Variants in HERC1 observed in about 807,000 individuals in gnomAD.
HERC1 encodes HECT and RLD domain containing E3 ubiquitin protein ligase family member 1.
In HERC1, 160 loss-of-function variants were observed where a neutral mutation model predicts 554.3. The observed-to-expected ratio is 0.29, with a 90% CI of 0.25 to 0.33. HERC1 has a LOEUF of 0.33. Among genes scored for constraint, HERC1 ranks in the 10% least tolerant of loss-of-function variants. The pLI is 1.00. For synonymous variants in HERC1, 2,175 were observed against 2,131.7 expected, an observed-to-expected ratio of 1.02 and a Z score of -0.56; for missense variants, 4,919 against 5,918.5, an observed-to-expected ratio of 0.83 and a Z score of 5.54.
chr15:63,706,661 T>C (rs1360221756), intron 25 of HERC1, 119 bp downstream of exon 25: 1 of 497,442 alleles, frequency 2.0e-6, no homozygotes, highest in Non-Finnish European at 3.4e-6. Context: ...TCAAAGACAA[T>C]CATATCTAAA....
At chr15:63,833,749 GCGCGCACACACACACA>G (rs1295479150) in intron 1 of HERC1, 62 bp downstream of exon 1, 7 of 28,460 alleles carry the variant, frequency 2.5e-4, no homozygotes, top group African/African-American at 9.2e-4. Flanking sequence ...ACACACGCGC[GCGCGCACACACACACA>G]CACACACACA....
intron 14 of HERC1, among the ~76,000 whole-genome samples, chr15:63,731,521 T>C (rs2074291532): frequency 6.6e-6 from 1 of 152,214 alleles, no homozygotes; most frequent in African/African-American, 2.4e-5. Flanking sequence ...CAAATGGCTA[T>C]ATACACAATA....
chr15:63,804,699 A>G (rs1190978931), intron 1 of HERC1, among the ~76,000 whole-genome samples: 1 of 152,206 alleles, frequency 6.6e-6, no homozygotes, highest in African/African-American at 2.4e-5. Flanking sequence ...TTTGTAAAAC[A>G]TATCCAATGA....
chr15:63,697,745 G>A (rs918515890), intron 26 of HERC1, among the ~76,000 whole-genome samples: 8 of 152,020 alleles, frequency 5.3e-5, no homozygotes, highest in African/African-American at 1.4e-4. Context: ...GTGAGCCACC[G>A]CGCCCGGCCA....
chr15:63,628,656 C>T, intron 70 of HERC1, 21 bp downstream of exon 70: 1 of 1,598,256 alleles, frequency 6.3e-7, no homozygotes, highest in Non-Finnish European at 8.5e-7. Context: ...GCTGCAGGAG[C>T]ATGAATATTT....
At chr15:63,638,669 T>C (rs372555771) in intron 62 of HERC1, 42 bp downstream of exon 62, 197 of 1,592,118 alleles carry the variant, frequency 1.2e-4, no homozygotes, top group Admixed American at 1.1e-3. Flanking sequence ...AATCAAAACA[T>C]TGACTGAGAA....
chr15:63,717,380 A>G (rs1211878679), intron 21 of HERC1, among the ~76,000 whole-genome samples: 2 of 152,248 alleles, frequency 1.3e-5, no homozygotes, highest in Admixed American at 6.5e-5. Flanking sequence ...TTTTAAATCT[A>G]AGGACTAAAT....
intron 71 of HERC1, among the ~76,000 whole-genome samples, chr15:63,625,289 A>C (rs1448288755): frequency 6.6e-6 from 1 of 152,222 alleles, no homozygotes; most frequent in Non-Finnish European, 1.5e-5. Flanking sequence ...GAAATTTCTC[A>C]GATTAATTTA....
At chr15:63,637,355 G>C (rs1279258188) in intron 64 of HERC1, 150 bp downstream of exon 64, 2 of 657,474 alleles carry the variant, frequency 3.0e-6, no homozygotes, top group Non-Finnish European at 5.2e-6. Context: ...GGAAATTAAG[G>C]CTGCACACAT....
chr15:63,659,178 G>GT (rs766813784), intron 47 of HERC1, among the ~76,000 whole-genome samples: 22 of 151,340 alleles, frequency 1.5e-4, no homozygotes, highest in African/African-American at 4.1e-4. Context: ...TTAACACCAA[G>GT]TTTTTTTTTA....
intron 33 of HERC1, among the ~76,000 whole-genome samples, chr15:63,687,024 G>A (rs1337578308): frequency 2.6e-5 from 4 of 152,130 alleles, no homozygotes; most frequent in African/African-American, 9.7e-5. Context: ...GAAACTGGCA[G>A]AAAACAAGTC....
At chr15:63,670,803 C>A (rs1008121086) in intron 39 of HERC1, among the ~76,000 whole-genome samples, 2 of 151,988 alleles carry the variant, frequency 1.3e-5, no homozygotes, top group Admixed American at 1.3e-4. Context: ...ACCTGTAATA[C>A]CAGCATACTT....
intron 26 of HERC1, among the ~76,000 whole-genome samples, chr15:63,696,952 T>A (rs1477548372): frequency 6.7e-6 from 1 of 149,544 alleles, no homozygotes; most frequent in Non-Finnish European, 1.5e-5. Context: ...AAAAAAAAAA[T>A]TATTTTGAAA....
intron 1 of HERC1, among the ~76,000 whole-genome samples, chr15:63,805,121 G>C (rs1018007415): frequency 6.6e-6 from 1 of 152,120 alleles, no homozygotes; most frequent in Admixed American, 6.5e-5. Context: ...TAAAGACCTG[G>C]TCATCAGTAT....
intron 1 of HERC1, among the ~76,000 whole-genome samples, chr15:63,785,904 C>A (rs1490284785): frequency 6.6e-6 from 1 of 152,062 alleles, no homozygotes; most frequent in Admixed American, 6.6e-5. Flanking sequence ...AGAGGTCTCA[C>A]CGTGTTGTCC....
intron 1 of HERC1, among the ~76,000 whole-genome samples, chr15:63,808,252 C>G (rs1254924438): frequency 6.6e-6 from 1 of 152,086 alleles, no homozygotes; most frequent in African/African-American, 2.4e-5. Flanking sequence ...CGGCTGCTAT[C>G]AAACTTGGGT....
chr15:63,735,017 G>A (rs1331613156), intron 12 of HERC1, among the ~76,000 whole-genome samples, 168 bp from the exon 13 acceptor site: 1 of 152,162 alleles, frequency 6.6e-6, no homozygotes, highest in Non-Finnish European at 1.5e-5. Flanking sequence ...AGAAGACTAT[G>A]AATACATATT....
chr15:63,741,461 C>T (rs1464891819), intron 12 of HERC1, among the ~76,000 whole-genome samples: 1 of 152,034 alleles, frequency 6.6e-6, no homozygotes, highest in Non-Finnish European at 1.5e-5. Flanking sequence ...TACAGGCACA[C>T]GCCACTACAC....
At chr15:63,655,380 T>C (rs1481483886) in intron 50 of HERC1, among the ~76,000 whole-genome samples, 2 of 152,072 alleles carry the variant, frequency 1.3e-5, no homozygotes, top group Non-Finnish European at 2.9e-5. Flanking sequence ...CAAAAGCCAG[T>C]TATCTCTTGG....
Sources: gnomAD v4.1 joint callset for allele counts (sites outside exome capture counted in the v4.1 genomes callset) on GRCh38, gnomAD v4.1.1 for gene constraint, MANE v1.5 for transcripts, NCBI Gene and HGNC (gene_info 2026-07-23, HGNC 2026-07-21) for gene names.